Variants in CDH22 observed in about 807,000 individuals in gnomAD.
CDH22 encodes the protein cadherin 22.
Under a neutral mutation model 58.4 loss-of-function variants are expected in CDH22, and 30 were observed. The ratio of observed to expected loss-of-function variants is 0.51; its 90% CI spans 0.38 to 0.70. The LOEUF is 0.70. Ranked by LOEUF, CDH22 falls within the 30% of genes least tolerant of loss-of-function variation. The pLI, the probability that CDH22 is intolerant of heterozygous loss-of-function variation, is 0.00. For synonymous variants in CDH22, 513 were observed against 558.2 expected (o/e 0.92, Z 1.14); for missense variants, 1,014 against 1,233.9 (o/e 0.82, Z 2.67).
chr20:46,188,197 C>T (rs1462657902), intron 8 of CDH22, among the ~76,000 whole-genome samples: 1 of 152,206 alleles, frequency 6.6e-6, no homozygotes, highest in Non-Finnish European at 1.5e-5. Flanking sequence ...GTGTCCCTGA[C>T]CCAGTGTTTG....
chr20:46,270,951 A>G (rs1326345075), intron 1 of CDH22, among the ~76,000 whole-genome samples: 1 of 152,244 alleles, frequency 6.6e-6, no homozygotes, highest in Non-Finnish European at 1.5e-5. Flanking sequence ...AACAGGGAAC[A>G]GGAATCCCAG....
At chr20:46,282,932 A>G (rs990309148) in intron 1 of CDH22, among the ~76,000 whole-genome samples, 1 of 152,188 alleles carries the variant, frequency 6.6e-6, no homozygotes, top group Admixed American at 6.5e-5. Flanking sequence ...AGCTAGGGAC[A>G]GGAGTGGGAG....
At chr20:46,271,298 T>C (rs1032480623) in intron 1 of CDH22, among the ~76,000 whole-genome samples, 1 of 152,220 alleles carries the variant, frequency 6.6e-6, no homozygotes, top group South Asian at 2.1e-4. Flanking sequence ...CCCTCCTCTT[T>C]TCTGAGCCTA....
At position 46,210,114 on chromosome 20, in the gene CDH22, C is replaced by G. The variant is rs2086029633; in HGVS notation, c.1286+193G>C. On this transcript the variant is annotated intron_variant, in intron 7 of 11. Coordinates refer to ENST00000537909, the MANE Select transcript of CDH22 (RefSeq NM_021248.3). This position sits in a 1 kb window ranked among gnomAD's most constrained non-coding sequence, Gnocchi z 4.5. ...CCTGTCTCATTGACTGTTCTCACAT[C>G]TGCTTCCTTGGCTCTTTGGCTCCGT... 5.8e-6 allele frequency: 3 copies of G among 513,596 alleles called. No individual in the cohort carries two copies. Among genetic ancestry groups the G allele is most frequent in the African/African-American group, 2.0e-5 (1 of 49,698 alleles). The allele number at this position is 513,596 out of a possible 1,614,324, so 31.8% of individuals were successfully genotyped here. A position where few individuals can be genotyped will look rare whatever the true frequency, so the allele number is the denominator to read the frequency against.
At chr20:46,285,729 A>T (rs898086403) in intron 1 of CDH22, among the ~76,000 whole-genome samples, 1 of 152,182 alleles carries the variant, frequency 6.6e-6, no homozygotes, top group African/African-American at 2.4e-5. Context: ...CCTCTGAGGC[A>T]AGATTCAGGG....
intron 1 of CDH22, among the ~76,000 whole-genome samples, chr20:46,263,672 G>A (rs1402484211): frequency 2.0e-5 from 3 of 152,134 alleles, no homozygotes; most frequent in Non-Finnish European, 4.4e-5. Flanking sequence ...GGCACAGGTG[G>A]CAGAATGTGC....
chr20:46,208,514 GTC>G (rs774488478), intron 7 of CDH22, among the ~76,000 whole-genome samples: 173 of 151,582 alleles, frequency 1.1e-3, no homozygotes, highest in Non-Finnish European at 2.0e-3. Context: ...CTCATTGTTG[GTC>G]TCTCTACATC....
At position 46,249,355 on chromosome 20, in the gene CDH22, C is replaced by T. The variant is rs2086353771; in HGVS notation, c.255+1685G>A. 2.0e-5 allele frequency among the ~76,000 whole-genome samples: 3 copies of T among 152,176 alleles called. No homozygotes were observed. In the South Asian group the frequency reaches 6.2e-4, roughly 32 times the overall value. ...TGTCTGGGAGTCAGGAGTCCTAGGC[C>T]CTGCCACTAGGTTGCTGGATGATCT... On this transcript the variant is annotated intron_variant, in intron 2 of 11. Coordinates refer to ENST00000537909, the MANE Select transcript of CDH22 (RefSeq NM_021248.3).
At chr20:46,199,975 T>G (rs1402427309) in intron 7 of CDH22, among the ~76,000 whole-genome samples, 1 of 152,076 alleles carries the variant, frequency 6.6e-6, no homozygotes, top group Non-Finnish European at 1.5e-5. Flanking sequence ...TATTTTATTT[T>G]ATTTACTTAT....
chr20:46,222,410 C>T (rs2086133319), intron 4 of CDH22, among the ~76,000 whole-genome samples: 1 of 152,164 alleles, frequency 6.6e-6, no homozygotes, highest in Non-Finnish European at 1.5e-5. Context: ...GGGCAGAAAC[C>T]AGGTCTACTT....
In CDH22 at chr20:46,174,347, A is replaced by C; in HGVS notation, c.*159T>G. The C allele has an allele frequency of 3.6e-6, 2 of 550,976 alleles. No individual in the cohort carries two copies. The highest frequency in any genetic ancestry group is 6.2e-6 in the Non-Finnish European group (2 of 321,688). The allele number at this position is 550,976 out of a possible 1,614,324, so 34.1% of individuals were successfully genotyped here. A position where few individuals can be genotyped will look rare whatever the true frequency, so the allele number is the denominator to read the frequency against. ...AAGCTGCACCCCTAGAGGAGGAGGA[A>C]TGGAAGAGTCCGCTCCTAGCAAGTC... On this transcript the variant is annotated 3_prime_UTR_variant, in exon 12 of 12. Coordinates refer to ENST00000537909, the MANE Select transcript of CDH22 (RefSeq NM_021248.3). This position sits in a 1 kb window ranked among gnomAD's most constrained non-coding sequence, Gnocchi z 4.4.
intron 10 of CDH22, among the ~76,000 whole-genome samples, chr20:46,181,579 T>C (rs2085783954): frequency 6.6e-6 from 1 of 150,558 alleles, no homozygotes; most frequent in Non-Finnish European, 1.5e-5. Flanking sequence ...TGGGTCATTT[T>C]CCCTTCCTTC....
At chr20:46,228,058 T>G (rs930797498) in intron 3 of CDH22, among the ~76,000 whole-genome samples, 2 of 152,188 alleles carry the variant, frequency 1.3e-5, no homozygotes. Context: ...TCACAGTCAG[T>G]TGGAGCCAGG....
chr20:46,257,043 C>T (rs1476925165), intron 1 of CDH22, among the ~76,000 whole-genome samples: 3 of 151,122 alleles, frequency 2.0e-5, no homozygotes, highest in East Asian at 3.9e-4. Context: ...CATGGTGGCT[C>T]ATACCTGTAA....
At chr20:46,180,964 G>GTGTA (rs1600684012) in intron 10 of CDH22, among the ~76,000 whole-genome samples, 1 of 138,244 alleles carries the variant, frequency 7.2e-6, no homozygotes, top group Admixed American at 7.5e-5. Context: ...GTGTGTGTGT[G>GTGTA]TACAGATGAG....
chr20:46,293,787 C>T (rs540776665), intron 1 of CDH22, among the ~76,000 whole-genome samples: 13 of 152,238 alleles, frequency 8.5e-5, no homozygotes, highest in African/African-American at 2.9e-4. Flanking sequence ...AAGGCCAAGG[C>T]GGGCGTATCA....
rs775266444 is a variant in CDH22, at chr20:46,213,173, C to A, written c.854G>T (p.Ser285Ile). The A allele has an allele frequency of 3.1e-6, 5 of 1,614,096 alleles. No homozygotes were observed. In the Admixed American group the frequency reaches 8.3e-5, roughly 27 times the overall value. The change falls in exon 6 of 12, where the codon AGC becomes ATC. Residue 285 changes from serine (S) to isoleucine (I), a missense_variant. This residue lies in a region of CDH22 where 806 missense variants were observed against 1,038.7 expected (regional missense o/e 0.78). Transcript: ENST00000537909. ...PRFPQKMYQF[S>I]IQESAPIGTA... ...TCCAATGGGGGCTGACTCCTGGATG[C>A]TGAACTGGTACATCTCTGTGGGGGA...
intron 8 of CDH22, among the ~76,000 whole-genome samples, chr20:46,198,287 G>GACACACACAC (rs368091518): frequency 1.7e-3 from 222 of 128,704 alleles, no homozygotes; most frequent in Non-Finnish European, 2.4e-3. Context: ...GCACCAAAAA[G>GACACACACAC]ACACACACAC....
chr20:46,238,897 T>G (rs2086271854), intron 3 of CDH22, among the ~76,000 whole-genome samples: 1 of 152,228 alleles, frequency 6.6e-6, no homozygotes. Flanking sequence ...AGCAAGACCT[T>G]CCATTGACTT....
Sources: gnomAD v4.1 joint callset for allele counts (sites outside exome capture counted in the v4.1 genomes callset) on GRCh38, gnomAD v4.1.1 for gene constraint, gnomAD v4.1.1 regional missense constraint, Gnocchi (gnomAD v3.1) non-coding constraint, MANE v1.5 for transcripts, NCBI Gene and HGNC (gene_info 2026-07-23, HGNC 2026-07-21) for gene names.